Variants in MAN2A1 observed in about 807,000 individuals in gnomAD.
The protein encoded by MAN2A1 is alpha-mannosidase 2.
Under a neutral mutation model 142.6 loss-of-function variants are expected in MAN2A1, and 76 were observed. That is an observed-to-expected ratio of 0.53 (90% CI 0.44 to 0.65). The LOEUF (loss-of-function observed/expected upper bound fraction) is 0.65, where lower values mean the gene tolerates loss of function less well. Ranked by LOEUF, MAN2A1 falls within the 30% of genes least tolerant of loss-of-function variation. MAN2A1 has a pLI of 0.00. For missense variants in MAN2A1, 1,311 were observed against 1,365.1 expected (o/e 0.96, Z 0.62); for synonymous variants, 559 against 473.2 (o/e 1.18, Z -2.35).
intron 7 of MAN2A1, among the ~76,000 whole-genome samples, chr5:109,773,623 A>G (rs191162792): frequency 2.2e-3 from 337 of 152,286 alleles, no homozygotes; most frequent in African/African-American, 7.9e-3. Context: ...TATATGTTAC[A>G]TAAGGACGCT....
chr5:109,693,461 T>C (rs1451925937), intron 1 of MAN2A1, among the ~76,000 whole-genome samples: 2 of 152,044 alleles, frequency 1.3e-5, no homozygotes, highest in Non-Finnish European at 2.9e-5. Flanking sequence ...GGTATTGGGT[T>C]CCTCTAAATT....
intron 4 of MAN2A1, among the ~76,000 whole-genome samples, chr5:109,739,287 A>G (rs533084840): frequency 6.6e-6 from 1 of 152,308 alleles, no homozygotes; most frequent in East Asian, 1.9e-4. Context: ...TTATATATCT[A>G]GGTAGTATAA....
intron 10 of MAN2A1, 131 bp from the exon 11 acceptor site, chr5:109,788,803 A>G: frequency 1.7e-6 from 1 of 583,610 alleles, no homozygotes; most frequent in Non-Finnish European, 3.1e-6. Flanking sequence ...GGTTTGTCAT[A>G]GATTCATTAT....
At chr5:109,691,571 A>G (rs994264091) in intron 1 of MAN2A1, among the ~76,000 whole-genome samples, 3 of 152,234 alleles carry the variant, frequency 2.0e-5, no homozygotes, top group African/African-American at 7.2e-5. Flanking sequence ...AAATGACCAA[A>G]GAATATCCTT....
chr5:109,846,228 A>G (rs1055308265), intron 18 of MAN2A1, among the ~76,000 whole-genome samples: 1 of 152,232 alleles, frequency 6.6e-6, no homozygotes, highest in Non-Finnish European at 1.5e-5. Flanking sequence ...GAGACCTAAA[A>G]TTCCATGTCA....
intron 1 of MAN2A1, 146 bp downstream of exon 1, chr5:109,690,698 A>G (rs1750642317): frequency 6.6e-6 from 6 of 907,170 alleles, no homozygotes; most frequent in Admixed American, 5.3e-5. Context: ...TCGGACGGCA[A>G]TGATCACCTC....
At chr5:109,842,222 G>A in intron 16 of MAN2A1, 106 bp from the exon 17 acceptor site, 1 of 657,250 alleles carries the variant, frequency 1.5e-6, no homozygotes. Context: ...ACAAGAAGTA[G>A]AAAACAAGAA....
At chr5:109,800,753 AGAT>A (rs1440237082) in intron 12 of MAN2A1, among the ~76,000 whole-genome samples, 1 of 152,216 alleles carries the variant, frequency 6.6e-6, no homozygotes, top group Non-Finnish European at 1.5e-5. Flanking sequence ...GAGTAAATGA[AGAT>A]GACTTGTTTG....
At chr5:109,761,655 A>AT (rs922472394) in intron 5 of MAN2A1, among the ~76,000 whole-genome samples, 4 of 151,660 alleles carry the variant, frequency 2.6e-5, no homozygotes, top group African/African-American at 7.2e-5. Flanking sequence ...CTACATTTGT[A>AT]TTTTTTTTAT....
Position 109,788,919 on chromosome 5 carries a change from AT to A in MAN2A1, c.1761-10del. The stretch of plus-strand genomic sequence containing the variant: ...TTAAATTGTTTCTCAGACTAATAAA[AT>A]TTTTGATTTACAGACTTTTTCATTC... On this transcript the variant is annotated splice_polypyrimidine_tract_variant and intron_variant, in intron 10 of 21. Coordinates refer to ENST00000261483, the MANE Select transcript of MAN2A1 (RefSeq NM_002372.4). The A allele has an allele frequency of 8.1e-7, 1 of 1,237,776 alleles. No individual in the cohort carries two copies. Among genetic ancestry groups the A allele is most frequent in the Non-Finnish European group, 1.2e-6 (1 of 846,284 alleles). The allele number at this position is 1,237,776 out of a possible 1,614,324, so 76.7% of individuals were successfully genotyped here.
At position 109,794,195 on chromosome 5, in the gene MAN2A1, G is replaced by A. The variant is rs184170659; in HGVS notation, c.1943+4668G>A. ...AGGCATTTGGAGCTTAACGGCGGAA[G>A]TGAGATTCCATGACTTGAACCAAGG... On this transcript the variant is annotated intron_variant, in intron 12 of 21. Coordinates refer to ENST00000261483, the MANE Select transcript of MAN2A1 (RefSeq NM_002372.4). 1.7e-4 allele frequency: 26 copies of A among 152,284 alleles called. No individual in the cohort carries two copies. In the East Asian group the frequency reaches 3.3e-3, roughly 19 times the overall value. The allele number at this position is 152,284 out of a possible 1,614,324, so 9.4% of individuals were successfully genotyped here.
intron 1 of MAN2A1, among the ~76,000 whole-genome samples, chr5:109,701,989 G>A (rs1241686308): frequency 2.6e-5 from 4 of 152,176 alleles, no homozygotes; most frequent in African/African-American, 9.6e-5. Context: ...ATGCTGATCT[G>A]GTAGTCATCA....
chr5:109,698,591 G>A (rs1750881605), intron 1 of MAN2A1, among the ~76,000 whole-genome samples: 1 of 152,146 alleles, frequency 6.6e-6, no homozygotes, highest in Middle Eastern at 3.2e-3. Context: ...TTTTTCACAT[G>A]TAAATGGATT....
intron 1 of MAN2A1, among the ~76,000 whole-genome samples, chr5:109,708,094 A>G (rs139288948): frequency 3.3e-5 from 5 of 152,274 alleles, no homozygotes; most frequent in Non-Finnish European, 5.9e-5. Flanking sequence ...GAGGTGCTCT[A>G]ACATTTAGAG....
At chr5:109,847,499 G>A (rs1168636154) in intron 18 of MAN2A1, among the ~76,000 whole-genome samples, 158 bp from the exon 19 acceptor site, 1 of 152,164 alleles carries the variant, frequency 6.6e-6, no homozygotes, top group Non-Finnish European at 1.5e-5. Context: ...CTACTATCAA[G>A]AGAAAGCCCA....
chr5:109,853,581 G>C (rs1755535884), intron 19 of MAN2A1: 1 of 152,196 alleles, frequency 6.6e-6, no homozygotes, highest in African/African-American at 2.4e-5. Flanking sequence ...AGCTTTCTCT[G>C]AATGTTTCTT....
chr5:109,823,926 G>T, intron 16 of MAN2A1, 89 bp downstream of exon 16: 3 of 583,038 alleles, frequency 5.1e-6, no homozygotes, highest in Admixed American at 3.1e-5. Flanking sequence ...TTAACAGTTG[G>T]TTTTTGTAGA....
intron 20 of MAN2A1, among the ~76,000 whole-genome samples, chr5:109,861,741 A>T (rs1755765751): frequency 6.6e-6 from 1 of 152,130 alleles, no homozygotes. Flanking sequence ...GCTTCTCAGA[A>T]CCTTATACTG....
chr5:109,693,250 T>G (rs1345247617), intron 1 of MAN2A1, among the ~76,000 whole-genome samples: 1 of 152,140 alleles, frequency 6.6e-6, no homozygotes, highest in African/African-American at 2.4e-5. Context: ...CATTGTGTAG[T>G]CCAGCATCCA....
Sources: gnomAD v4.1 joint callset for allele counts (sites outside exome capture counted in the v4.1 genomes callset) on GRCh38, gnomAD v4.1.1 for gene constraint, MANE v1.5 for transcripts, NCBI Gene and HGNC (gene_info 2026-07-23, HGNC 2026-07-21) for gene names.